The following PYGL variants were observed in gnomAD, a reference collection of about 807,000 sequenced individuals.
PYGL encodes the protein glycogen phosphorylase, liver form.
In PYGL, 90 loss-of-function variants were observed where a neutral mutation model predicts 100.1. The observed-to-expected ratio is 0.90, with a 90% CI of 0.76 to 1.07. The LOEUF is 1.07. Among genes scored for constraint, PYGL ranks in the 50% least tolerant of loss-of-function variants. PYGL has a pLI of 0.00. For missense variants in PYGL, 1,016 were observed against 1,057.6 expected (o/e 0.96, Z 0.55); for synonymous variants, 373 against 393.0 (o/e 0.95, Z 0.60).
At chr14:50,932,333 G>T (rs1046258026) in intron 3 of PYGL, among the ~76,000 whole-genome samples, 1 of 152,170 alleles carries the variant, frequency 6.6e-6, no homozygotes, top group African/African-American at 2.4e-5. Context: ...GCTGAACCAG[G>T]AAGTGAATCT....
At chr14:50,926,139 C>T (rs1190096188) in intron 4 of PYGL, among the ~76,000 whole-genome samples, 1 of 151,968 alleles carries the variant, frequency 6.6e-6, no homozygotes, top group Non-Finnish European at 1.5e-5. Context: ...TCACTTGATC[C>T]CAGGAGTTTG....
At position 50,905,262 on chromosome 14, in the gene PYGL, A is replaced by C; in HGVS notation, c.*130T>G. The C allele has an allele frequency of 1.0e-6, 1 of 973,056 alleles. No individual in the cohort carries two copies. Among genetic ancestry groups the C allele is most frequent in the African/African-American group, 1.6e-5 (1 of 60,924 alleles). 60.3% of individuals were successfully genotyped at this position (973,056 alleles called of 1,614,324 possible). A position where few individuals can be genotyped will look rare whatever the true frequency, so the allele number is the denominator to read the frequency against. On this transcript the variant is annotated 3_prime_UTR_variant, in exon 20 of 20. Coordinates refer to ENST00000216392, the MANE Select transcript of PYGL (RefSeq NM_002863.5). The stretch of plus-strand genomic sequence containing the variant: ...TTTATTTTTAAGCTCTATTACATAT[A>C]ATTTCCCTCCCCATTCCCAGAGATA...
intron 11 of PYGL, chr14:50,915,074 A>G: frequency 4.9e-6 from 3 of 618,354 alleles, no homozygotes; most frequent in Admixed American, 2.9e-5. Context: ...CTACACTTTC[A>G]GTAGAATAGT....
chr14:50,924,232 CT>C, intron 4 of PYGL, 132 bp from the exon 5 acceptor site: 1 of 1,041,830 alleles, frequency 9.6e-7, no homozygotes, highest in Non-Finnish European at 1.4e-6. Flanking sequence ...TGTTTTGTAA[CT>C]TTTTTACAGC....
intron 12 of PYGL, chr14:50,913,350 T>C (rs2050417129): frequency 4.3e-6 from 1 of 232,986 alleles, no homozygotes; most frequent in East Asian, 9.0e-5. Context: ...TTAAAAATTA[T>C]TTTTATTTAT....
At chr14:50,910,695 C>T (rs1199061281) in intron 16 of PYGL, among the ~76,000 whole-genome samples, 3 of 152,206 alleles carry the variant, frequency 2.0e-5, no homozygotes, top group African/African-American at 7.2e-5. Flanking sequence ...TGATCCATAA[C>T]ATTCAGAGTG....
intron 5 of PYGL, among the ~76,000 whole-genome samples, chr14:50,922,969 T>A (rs1216972541): frequency 1.3e-5 from 2 of 152,232 alleles, no homozygotes; most frequent in Non-Finnish European, 2.9e-5. Flanking sequence ...TTGGAAGCCA[T>A]CCCATGCACG....
rs921178179 is a variant in PYGL at position 50,916,705 on chromosome 14, A to C, written c.1029T>G (p.Pro343=). The C allele has an allele frequency of 5.6e-6, 9 of 1,614,070 alleles. No individual in the cohort carries two copies. Among genetic ancestry groups the C allele is most frequent in the African/African-American group, 5.3e-5 (4 of 74,952 alleles). The change falls in exon 9 of 20, where the codon CCT becomes CCG. Residue 343 remains proline (P), a synonymous_variant. Coordinates refer to ENST00000216392, the MANE Select transcript of PYGL (RefSeq NM_002863.5). ...QVAIQLNDTH[P]ALAIPELMRI... is the part of the protein sequence containing the mutation. ...TCATCAGCTCAGGGATCGCGAGTGC[A>C]GGGTGAGTGTCATTCAGCTGGATGG...
At chr14:50,931,305 G>C (rs2050598700) in intron 4 of PYGL, among the ~76,000 whole-genome samples, 2 of 152,148 alleles carry the variant, frequency 1.3e-5, no homozygotes, top group African/African-American at 2.4e-5. Context: ...TATCATCAAG[G>C]GTTCTTGGCT....
At chr14:50,905,594 G>A (rs1279342475) in intron 19 of PYGL, 38 bp from the exon 20 acceptor site, 1 of 1,601,822 alleles carries the variant, frequency 6.2e-7, no homozygotes, top group Non-Finnish European at 8.6e-7. Flanking sequence ...CAGAGTCCCA[G>A]TGCGCAGTGA....
At chr14:50,934,653 G>A (rs1174465268) in intron 3 of PYGL, among the ~76,000 whole-genome samples, 1 of 151,570 alleles carries the variant, frequency 6.6e-6, no homozygotes, top group Non-Finnish European at 1.5e-5. Flanking sequence ...GTGTGTGTAT[G>A]TGTGTGTATA....
intron 2 of PYGL, among the ~76,000 whole-genome samples, chr14:50,936,296 G>A (rs1003037888): frequency 1.3e-5 from 2 of 152,158 alleles, no homozygotes; most frequent in Admixed American, 6.5e-5. Context: ...ACCAGTGCTT[G>A]AAGTTGTGCC....
intron 3 of PYGL, among the ~76,000 whole-genome samples, chr14:50,933,319 T>A (rs1291962427): frequency 6.6e-6 from 1 of 152,214 alleles, no homozygotes. Flanking sequence ...AGGTGGCAAG[T>A]ATCCCACAGG....
chr14:50,907,239 C>G (rs1020296536), intron 19 of PYGL, among the ~76,000 whole-genome samples: 1 of 151,902 alleles, frequency 6.6e-6, no homozygotes, highest in African/African-American at 2.4e-5. Context: ...ATTCTTCTTT[C>G]TTTTTTTAAA....
chr14:50,906,023 AG>A (rs2050332747), intron 19 of PYGL, among the ~76,000 whole-genome samples: 1 of 152,210 alleles, frequency 6.6e-6, no homozygotes, highest in South Asian at 2.1e-4. Context: ...ATTCAATGAG[AG>A]GCTTTATTGA....
At chr14:50,944,068 A>G in intron 1 of PYGL, 93 bp downstream of exon 1, 1 of 1,454,312 alleles carries the variant, frequency 6.9e-7, no homozygotes, top group Non-Finnish European at 9.3e-7. Context: ...GCAAGGGACC[A>G]CTCTGAGGGG....
intron 11 of PYGL, 59 bp from the exon 12 acceptor site, chr14:50,914,874 C>T: frequency 7.8e-7 from 1 of 1,288,584 alleles, no homozygotes; most frequent in Non-Finnish European, 1.1e-6. Context: ...GTCCTGCACA[C>T]TGGACAAAGT....
chr14:50,926,455 G>A (rs79026108), intron 4 of PYGL, among the ~76,000 whole-genome samples: 3,173 of 151,966 alleles, frequency 0.021, 31 homozygotes, highest in African/African-American at 0.033. Flanking sequence ...TTGGCCAGGC[G>A]TGGTGGCAAC....
intron 19 of PYGL, among the ~76,000 whole-genome samples, chr14:50,907,466 G>A (rs1040346811): frequency 5.3e-5 from 8 of 152,126 alleles, no homozygotes; most frequent in South Asian, 2.1e-4. Context: ...CTCTCAGTGC[G>A]GGGGCTGGCA....
Sources: gnomAD v4.1 joint callset for allele counts (sites outside exome capture counted in the v4.1 genomes callset) on GRCh38, gnomAD v4.1.1 for gene constraint, MANE v1.5 for transcripts, NCBI Gene and HGNC (gene_info 2026-07-23, HGNC 2026-07-21) for gene names.